The following ITGB4 variants were observed in gnomAD, a reference collection of about 807,000 sequenced individuals.
The protein encoded by ITGB4 is integrin subunit beta 4, also known as integrin beta-4.
ITGB4 carries 159 observed loss-of-function variants against 207.6 expected under a neutral mutation model. The ratio of observed to expected loss-of-function variants is 0.77; its 90% CI spans 0.67 to 0.87. The LOEUF (loss-of-function observed/expected upper bound fraction) is 0.87, where lower values mean the gene tolerates loss of function less well. Among genes scored for constraint, ITGB4 ranks in the 40% least tolerant of loss-of-function variants. The pLI is 0.00. For missense variants in ITGB4, 2,278 were observed against 2,546.8 expected (o/e 0.89, Z 2.27); for synonymous variants, 1,020 against 1,062.7 (o/e 0.96, Z 0.78).
At chr17:75,755,229 C>A in intron 34 of ITGB4, 1 of 1,596,122 alleles carries the variant, frequency 6.3e-7, no homozygotes, top group Non-Finnish European at 8.6e-7. Flanking sequence ...ACAGGGGTGG[C>A]CATCCTGTCT....
rs574818238 is a variant in ITGB4 at position 75,737,365 on chromosome 17, C to T, written c.2034C>T (p.Asp678=). Residue 678 remains aspartate (D), a synonymous_variant, in exon 17 of 40, where the codon GAC becomes GAT. Coordinates refer to ENST00000200181, the MANE Select transcript of ITGB4 (RefSeq NM_000213.5). ...VVRCSFRDED[D]DCTYSYTMEG... is the part of the protein sequence containing the mutation. ...GCTGCTCCTTCCGGGACGAGGATGACGACTGCACCTACAGCTACACCATGG... is the reference window on the plus strand; with the variant it reads ...GCTGCTCCTTCCGGGACGAGGATGATGACTGCACCTACAGCTACACCATGG... 3.3e-5 allele frequency: 52 copies of T among 1,587,616 alleles called. No individual in the cohort carries two copies. The highest frequency in any genetic ancestry group is 2.9e-4 in the South Asian group (25 of 87,048).
At chr17:75,755,332 G>T in intron 34 of ITGB4, 1 of 1,120,740 alleles carries the variant, frequency 8.9e-7, no homozygotes, top group South Asian at 1.5e-5. Context: ...CAGGACCCCC[G>T]CCTGCCCACA....
Position 75,737,520 on chromosome 17 carries a change from CT to C in ITGB4, c.2114-17del. 6.4e-7 allele frequency: 1 copy of C among 1,559,760 alleles called. No homozygotes were observed. Among genetic ancestry groups the C allele is most frequent in the Non-Finnish European group, 8.7e-7 (1 of 1,152,218 alleles). ...TGGGGAGGACAGGCACCACCTCCCC[CT>C]GCCTCCTCCTCTCCAGACTGCCCTC... On this transcript the variant is annotated splice_polypyrimidine_tract_variant and intron_variant, in intron 17 of 39. Transcript: ENST00000200181.
rs12604079 is a variant in ITGB4, at chr17:75,739,129, C to T, written c.2221-543C>T. On this transcript the variant is annotated intron_variant, in intron 18 of 39. Transcript: ENST00000200181. The surrounding 1 kb of genome is among the most constrained non-coding windows in gnomAD (Gnocchi z 5.4). Reference sequence around the variant, plus strand: ...CGGCCAATATGGTGACACCCCATCTCTACTAGAAATACAAAATTAGCTGGG... The same window carrying T: ...CGGCCAATATGGTGACACCCCATCTTTACTAGAAATACAAAATTAGCTGGG... Among the ~76,000 whole-genome samples, 1 of 151,954 alleles carries T rather than the reference C, an allele frequency of 6.6e-6. No individual in the cohort carries two copies. Among genetic ancestry groups the T allele is most frequent in the Non-Finnish European group, 1.5e-5 (1 of 67,970 alleles).
intron 26 of ITGB4, among the ~76,000 whole-genome samples, chr17:75,745,300 G>A (rs1449361165): frequency 6.6e-6 from 1 of 152,034 alleles, no homozygotes; most frequent in African/African-American, 2.4e-5. Context: ...GGCTGAGGCA[G>A]GAAGATCACT....
At chr17:75,721,711 C>G (rs115591152) in intron 1 of ITGB4, 99 bp downstream of exon 1, 1 of 152,488 alleles carries the variant, frequency 6.6e-6, no homozygotes, top group African/African-American at 2.4e-5. Flanking sequence ...CTGACAGGCC[C>G]CGGTCCCTCT....
chr17:75,757,382 C>T (rs760727795), intron 39 of ITGB4, 34 bp from the exon 40 acceptor site: 1 of 1,612,876 alleles, frequency 6.2e-7, no homozygotes, highest in African/African-American at 1.3e-5. Context: ...GGGCAGACCC[C>T]AAGCCAGGTC....
At chr17:75,736,854 A>G in intron 16 of ITGB4, 160 bp downstream of exon 16, 2 of 808,508 alleles carry the variant, frequency 2.5e-6, no homozygotes, top group East Asian at 2.7e-5. Context: ...GAACCCAGAT[A>G]GAGGACACCG....
At chr17:75,725,352 C>T (rs187694653) in intron 2 of ITGB4, among the ~76,000 whole-genome samples, 45 of 152,246 alleles carry the variant, frequency 3.0e-4, no homozygotes, top group African/African-American at 9.9e-4. Context: ...CTCACTCTGT[C>T]GTCCCGGTGA....
rs752599095 is a variant in ITGB4, at chr17:75,731,331, C to G, written c.1178C>G (p.Thr393Arg). 6.8e-6 allele frequency: 11 copies of G among 1,613,184 alleles called. No homozygotes were observed. Among genetic ancestry groups the G allele is most frequent in the Admixed American group, 5.0e-5 (3 of 59,994 alleles). Reference sequence around the variant, plus strand: ...GTCACCTCCAAGATGTTCCAGAAGACGAGGACTGGGTCCTTTCACATCCGG... The same window carrying G: ...GTCACCTCCAAGATGTTCCAGAAGAGGAGGACTGGGTCCTTTCACATCCGG... ...TEVTSKMFQKTRTGSFHIRRG... is the reference protein window; with the variant it reads ...TEVTSKMFQKRRTGSFHIRRG... The change falls in exon 10 of 40, where the codon ACG becomes AGG. Residue 393 changes from threonine (T) to arginine (R), a missense_variant. By Grantham distance (71) the Thr-to-Arg change is moderately conservative. Coordinates refer to ENST00000200181, the MANE Select transcript of ITGB4 (RefSeq NM_000213.5). This position sits in a 1 kb window ranked among gnomAD's most constrained non-coding sequence, Gnocchi z 6.8.
At chr17:75,723,394 G>C (rs186315410) in intron 1 of ITGB4, among the ~76,000 whole-genome samples, 4 of 152,334 alleles carry the variant, frequency 2.6e-5, no homozygotes, top group Non-Finnish European at 5.9e-5. Flanking sequence ...GCCTGTACCT[G>C]CCTGTGTAAT....
At chr17:75,741,560 C>T (rs899970605) in intron 23 of ITGB4, among the ~76,000 whole-genome samples, 1 of 152,090 alleles carries the variant, frequency 6.6e-6, no homozygotes. Context: ...AATCCCAGCA[C>T]TTTGGGAGGC....
intron 8 of ITGB4, 40 bp downstream of exon 8, chr17:75,730,544 T>G: frequency 6.2e-7 from 1 of 1,610,580 alleles, no homozygotes; most frequent in Non-Finnish European, 8.5e-7. Flanking sequence ...GTGGTCAAGG[T>G]AGGGGGTCCA....
In ITGB4 at chr17:75,737,440, G is replaced by A. The variant is rs1431052565; in HGVS notation, c.2109G>A (p.Lys703=). ...ACAGCACTGTCCTGGTGCACAAGAA[G>A]AAGGGTGAGCTGGTGGGGCCGGGCG... ...GPNSTVLVHK[K]KDCPPGSFWW... is the part of the protein sequence containing the mutation. The change falls in exon 17 of 40, where the codon AAG becomes AAA. Residue 703 remains lysine, a synonymous_variant. Transcript: ENST00000200181. The A allele has an allele frequency of 9.0e-6, 14 of 1,554,618 alleles. No individual in the cohort carries two copies. The highest frequency in any genetic ancestry group is 1.2e-5 in the Non-Finnish European group (14 of 1,148,888).
chr17:75,726,404 C>T (rs1449023828), intron 2 of ITGB4, among the ~76,000 whole-genome samples: 4 of 151,950 alleles, frequency 2.6e-5, no homozygotes, highest in African/African-American at 4.8e-5. Context: ...CCAGCCTGGG[C>T]GACACAGCAA....
chr17:75,755,206 G>C, intron 34 of ITGB4: 1 of 1,603,458 alleles, frequency 6.2e-7, no homozygotes, highest in Non-Finnish European at 8.5e-7. Context: ...CGCCCTCCTG[G>C]GGCCCAGGTA....
chr17:75,738,381 G>A (rs911892718), intron 18 of ITGB4, among the ~76,000 whole-genome samples: 4 of 152,160 alleles, frequency 2.6e-5, no homozygotes, highest in East Asian at 1.9e-4. Context: ...GCATGTCCAC[G>A]TGACTCCATT....
intron 26 of ITGB4, among the ~76,000 whole-genome samples, chr17:75,745,986 G>A (rs2061224963): frequency 6.6e-6 from 1 of 152,226 alleles, no homozygotes; most frequent in South Asian, 2.1e-4. Context: ...GGCCCGGGCT[G>A]CCTGGCCACA....
rs759740979 is a variant in ITGB4, at chr17:75,739,985, G to A, written c.2360G>A (p.Arg787His). 16 of 1,613,248 alleles carry A rather than the reference G, an allele frequency of 9.9e-6. No homozygotes were observed. Among genetic ancestry groups the A allele is most frequent in the Admixed American group, 3.3e-5 (2 of 60,024 alleles). ...PMLRSGNLKGRDVVRWKVTNN... is the reference protein window; with the variant it reads ...PMLRSGNLKGHDVVRWKVTNN... Reference sequence around the variant, plus strand: ...CTGCGCAGCGGGAACCTCAAGGGCCGTGACGTGGTCCGCTGGAAGGTCACC... The same window carrying A: ...CTGCGCAGCGGGAACCTCAAGGGCCATGACGTGGTCCGCTGGAAGGTCACC... The change falls in exon 20 of 40, where the codon CGT becomes CAT. Residue 787 changes from arginine (R) to histidine (H), a missense_variant. Transcript: ENST00000200181. This position sits in a 1 kb window ranked among gnomAD's most constrained non-coding sequence, Gnocchi z 5.4.
Sources: allele counts gnomAD v4.1 joint callset (sites outside exome capture counted in the v4.1 genomes callset), GRCh38; gene constraint gnomAD v4.1.1; non-coding constraint Gnocchi (gnomAD v3.1); transcripts MANE v1.5; gene names NCBI Gene and HGNC (gene_info 2026-07-23, HGNC 2026-07-21).